The following CPB1 variants were observed in gnomAD, a reference collection of about 807,000 sequenced individuals.
The protein encoded by CPB1 is carboxypeptidase B.
A neutral mutation model predicts 51.4 loss-of-function variants in CPB1; 53 were observed. The observed-to-expected ratio is 1.03, with a 90% CI of 0.83 to 1.30. The LOEUF (loss-of-function observed/expected upper bound fraction) is 1.30, where lower values mean the gene tolerates loss of function less well. Among genes scored for constraint, CPB1 ranks in the 50% most tolerant of loss-of-function variants. The probability of loss-of-function intolerance (pLI) is 0.00; values close to 1 mark genes in which losing one functional copy is unlikely to be tolerated. For missense variants in CPB1, 494 were observed against 516.2 expected (o/e 0.96, Z 0.42); for synonymous variants, 189 against 186.9 (o/e 1.01, Z -0.09).
chr3:148,841,348 A>C (rs1185213870), intron 5 of CPB1, among the ~76,000 whole-genome samples: 1 of 152,222 alleles, frequency 6.6e-6, no homozygotes. Flanking sequence ...AAAGCACATC[A>C]ACAATTTGTT....
intron 9 of CPB1, among the ~76,000 whole-genome samples, chr3:148,849,834 A>G (rs1309823821): frequency 1.3e-5 from 2 of 152,264 alleles, no homozygotes; most frequent in Non-Finnish European, 2.9e-5. Context: ...CGAAGCCAAC[A>G]CTAGTAGTCA....
rs1483575394 is a variant in CPB1, at chr3:148,840,870, G to A, written c.373-4G>A. On this transcript the variant is annotated splice_polypyrimidine_tract_variant and splice_region_variant and intron_variant, in intron 4 of 10. Transcript: ENST00000282957. The stretch of plus-strand genomic sequence containing the variant: ...ATTGATCTACAAATGATTCCATTTG[G>A]TAGATAGAGGCTTGGACTCAACAAG... The A allele has an allele frequency of 6.2e-7, 1 of 1,614,006 alleles. No individual in the cohort carries two copies. Among genetic ancestry groups the A allele is most frequent in the South Asian group, 1.1e-5 (1 of 91,076 alleles).
chr3:148,842,304 T>C (rs895096620), intron 6 of CPB1, among the ~76,000 whole-genome samples: 3 of 152,196 alleles, frequency 2.0e-5, no homozygotes, highest in Non-Finnish European at 2.9e-5. Flanking sequence ...ACAACTAGCA[T>C]AGTGATTGGT....
At chr3:148,836,602 G>A (rs3772603) in intron 3 of CPB1, among the ~76,000 whole-genome samples, 5,458 of 152,196 alleles carry the variant, frequency 0.036, 174 homozygotes, top group East Asian at 0.12. Context: ...TGAACTTTTT[G>A]GGAATTGTGT....
At chr3:148,828,144 A>G in intron 2 of CPB1, 67 bp downstream of exon 2, 6 of 1,237,618 alleles carry the variant, frequency 4.8e-6, no homozygotes, top group Non-Finnish European at 5.8e-6. Flanking sequence ...GATTCCGACA[A>G]TGGAAAAAAA....
chr3:148,843,410 A>C (rs1170658557), intron 6 of CPB1, among the ~76,000 whole-genome samples: 3 of 152,008 alleles, frequency 2.0e-5, no homozygotes, highest in African/African-American at 4.8e-5. Context: ...TGTGTGAAGC[A>C]CTTCCGTACA....
rs1277284205 is a variant in CPB1, at chr3:148,859,830, G to A, written c.1082G>A (p.Gly361Asp). ...CACATTTCAGATCCTGCTGCTGGGGGCTCTGACGACTGGGCTTATGACCAA... is the reference window on the plus strand; with the variant it reads ...CACATTTCAGATCCTGCTGCTGGGGACTCTGACGACTGGGCTTATGACCAA... The part of the protein sequence containing the change: ...GATTIYPAAG[G>D]SDDWAYDQGI... The change falls in exon 11 of 11, where the codon GGC (glycine) becomes GAC (aspartate). Residue 361 changes from glycine to aspartate, a missense_variant. Transcript: ENST00000282957. 2 of 1,612,748 alleles carry A rather than the reference G, an allele frequency of 1.2e-6. No homozygotes were observed. Among genetic ancestry groups the A allele is most frequent in the South Asian group, 1.1e-5 (1 of 90,858 alleles).
chr3:148,847,372 T>TAAAAAA (rs3043983), intron 9 of CPB1, among the ~76,000 whole-genome samples: 14 of 86,708 alleles, frequency 1.6e-4, no homozygotes, highest in East Asian at 3.6e-4. Flanking sequence ...AAATCATTCT[T>TAAAAAA]AAAAAAAAAA....
chr3:148,858,388 TG>T (rs1713648336), intron 10 of CPB1, among the ~76,000 whole-genome samples: 2 of 151,906 alleles, frequency 1.3e-5, no homozygotes, highest in Admixed American at 6.6e-5. Flanking sequence ...CTGCCCAACA[TG>T]GTGAAACCCC....
chr3:148,854,634 C>G (rs1429307139), intron 9 of CPB1: 1 of 152,184 alleles, frequency 6.6e-6, no homozygotes, highest in Non-Finnish European at 1.5e-5. Context: ...TGTACCTCCA[C>G]CCAAATCTTG....
intron 6 of CPB1, among the ~76,000 whole-genome samples, chr3:148,843,894 T>A (rs2108016021): frequency 6.6e-6 from 1 of 152,290 alleles, no homozygotes; most frequent in East Asian, 1.9e-4. Flanking sequence ...CCCATCACTA[T>A]GCAGCTTGGA....
intron 9 of CPB1, among the ~76,000 whole-genome samples, chr3:148,850,290 G>T (rs9838532): frequency 0.25 from 37,405 of 149,464 alleles, 4,723 homozygotes; most frequent in South Asian, 0.31. Context: ...AGTTTTTTTT[G>T]TTTGTTTGTT....
At chr3:148,851,940 T>C (rs1026082683) in intron 9 of CPB1, 5 of 152,162 alleles carry the variant, frequency 3.3e-5, no homozygotes, top group African/African-American at 1.2e-4. Flanking sequence ...TCCAGTAGAA[T>C]CTGGAATTCA....
At chr3:148,835,544 C>A (rs1012143333) in intron 3 of CPB1, among the ~76,000 whole-genome samples, 3 of 152,086 alleles carry the variant, frequency 2.0e-5, no homozygotes, top group African/African-American at 7.2e-5. Flanking sequence ...AGAGAACAGA[C>A]CATATGCTGA....
At chr3:148,833,395 A>G (rs899474050) in intron 2 of CPB1, among the ~76,000 whole-genome samples, 4 of 152,160 alleles carry the variant, frequency 2.6e-5, no homozygotes, top group African/African-American at 9.7e-5. Flanking sequence ...GGTTACTGGG[A>G]GCCCCACAAG....
intron 8 of CPB1, among the ~76,000 whole-genome samples, chr3:148,845,035 A>G (rs1172223222): frequency 6.6e-6 from 1 of 152,158 alleles, no homozygotes; most frequent in Non-Finnish European, 1.5e-5. Flanking sequence ...TGTATAGTCT[A>G]GAGGGGGAGA....
chr3:148,857,960 T>C (rs1713632981), intron 10 of CPB1, among the ~76,000 whole-genome samples: 1 of 152,116 alleles, frequency 6.6e-6, no homozygotes, highest in African/African-American at 2.4e-5. Context: ...TTCCTCCCTG[T>C]AAGCATCTAC....
chr3:148,834,951 A>C (rs1301217051), intron 3 of CPB1, among the ~76,000 whole-genome samples: 1 of 152,218 alleles, frequency 6.6e-6, no homozygotes, highest in Non-Finnish European at 1.5e-5. Context: ...ACATAGTTTT[A>C]ACCCCAAATC....
At chr3:148,842,006 T>A in intron 6 of CPB1, 82 bp downstream of exon 6, 3 of 1,068,718 alleles carry the variant, frequency 2.8e-6, no homozygotes, top group Middle Eastern at 2.1e-4. Context: ...GAGAGAATAA[T>A]AACACAGAAA....
Sources: allele counts gnomAD v4.1 joint callset (sites outside exome capture counted in the v4.1 genomes callset), GRCh38; gene constraint gnomAD v4.1.1; transcripts MANE v1.5; gene names NCBI Gene and HGNC (gene_info 2026-07-23, HGNC 2026-07-21).